Variants in CADPS observed in about 807,000 individuals in gnomAD.
CADPS encodes calcium-dependent secretion activator 1.
CADPS carries 57 observed loss-of-function variants against 167.3 expected under a neutral mutation model. The observed-to-expected ratio is 0.34, with a 90% confidence interval of 0.28 to 0.42. The LOEUF is 0.42. Ranked by LOEUF, CADPS falls within the 20% of genes least tolerant of loss-of-function variation. CADPS has a pLI of 1.00. For missense variants in CADPS, 1,414 were observed against 1,738.1 expected (o/e 0.81, Z 3.32); for synonymous variants, 676 against 635.3 (o/e 1.06, Z -0.96).
At chr3:62,657,828 G>C (rs2072089777) in intron 4 of CADPS, among the ~76,000 whole-genome samples, 1 of 152,124 alleles carries the variant, frequency 6.6e-6, no homozygotes. Context: ...AGAGAGGACA[G>C]ACATGTCTTT....
At chr3:62,434,848 A>G (rs2054658358) in intron 28 of CADPS, among the ~76,000 whole-genome samples, 1 of 152,232 alleles carries the variant, frequency 6.6e-6, no homozygotes, top group Non-Finnish European at 1.5e-5. Flanking sequence ...CAGAAGGGCA[A>G]AAACAGGAAC....
At chr3:62,591,702 A>T (rs1177678442) in intron 7 of CADPS, among the ~76,000 whole-genome samples, 1 of 152,154 alleles carries the variant, frequency 6.6e-6, no homozygotes, top group Non-Finnish European at 1.5e-5. Context: ...TGCAAACAGA[A>T]ATTTCACTAT....
At chr3:62,559,024 C>T (rs1164809992) in intron 9 of CADPS, among the ~76,000 whole-genome samples, 1 of 152,200 alleles carries the variant, frequency 6.6e-6, no homozygotes, top group African/African-American at 2.4e-5. Context: ...CTGTAAGCCT[C>T]AGAGTCTTCA....
At chr3:62,798,627 C>T (rs757928784) in intron 1 of CADPS, among the ~76,000 whole-genome samples, 50 of 152,078 alleles carry the variant, frequency 3.3e-4, no homozygotes, top group Non-Finnish European at 6.3e-4. Context: ...AATACTAATA[C>T]AAACAGGGAG....
intron 21 of CADPS, among the ~76,000 whole-genome samples, chr3:62,484,710 T>C (rs980335604): frequency 9.9e-5 from 15 of 152,144 alleles, no homozygotes; most frequent in African/African-American, 3.4e-4. Flanking sequence ...TGGATAGAAA[T>C]GAGTGGAGGT....
chr3:62,709,857 C>T (rs775640767), intron 3 of CADPS, among the ~76,000 whole-genome samples: 20 of 151,902 alleles, frequency 1.3e-4, no homozygotes, highest in Admixed American at 1.1e-3. Context: ...GCAACCTCCA[C>T]CTCCTGGGTT....
intron 28 of CADPS, among the ~76,000 whole-genome samples, chr3:62,405,103 T>G (rs1175965963): frequency 7.2e-6 from 1 of 138,082 alleles, no homozygotes; most frequent in Non-Finnish European, 1.5e-5. Context: ...GGCCTCAAAT[T>G]CCACATTTAC....
intron 6 of CADPS, among the ~76,000 whole-genome samples, chr3:62,622,359 A>C (rs752306366): frequency 2.6e-5 from 4 of 152,086 alleles, no homozygotes; most frequent in Non-Finnish European, 5.9e-5. Flanking sequence ...CCAACATAGC[A>C]TTGTTACTTG....
chr3:62,787,101 C>G (rs1489994381), intron 1 of CADPS, among the ~76,000 whole-genome samples: 1 of 151,730 alleles, frequency 6.6e-6, no homozygotes, highest in East Asian at 1.9e-4. Context: ...AGAGACTAGT[C>G]TGAGCAATAT....
chr3:62,583,089 G>C (rs964000201), intron 8 of CADPS, among the ~76,000 whole-genome samples: 1 of 151,898 alleles, frequency 6.6e-6, no homozygotes, highest in Non-Finnish European at 1.5e-5. Flanking sequence ...AAGCACTTTA[G>C]AGGACAGATA....
At position 62,753,972 on chromosome 3, in the gene CADPS, T is replaced by C. The variant is rs1310849153; in HGVS notation, c.556-199A>G. Among the ~76,000 whole-genome samples the C allele has an allele frequency of 1.3e-5, 2 of 152,108 alleles. No homozygotes were observed. Among genetic ancestry groups the C allele is most frequent in the Non-Finnish European group, 2.9e-5 (2 of 68,012 alleles). On this transcript the variant is annotated intron_variant, in intron 2 of 29. Coordinates refer to ENST00000383710, the MANE Select transcript of CADPS (RefSeq NM_003716.4). This position sits in a 1 kb window ranked among gnomAD's most constrained non-coding sequence, Gnocchi z 4.6. ...CATTCTGCTTCTGTGTCCACATCTG[T>C]AAGATGAGAATAACAATTGTACTTA...
chr3:62,714,424 T>C (rs1477500219), intron 3 of CADPS, among the ~76,000 whole-genome samples: 1 of 152,214 alleles, frequency 6.6e-6, no homozygotes, highest in African/African-American at 2.4e-5. Context: ...TTGGAACTGC[T>C]GTTTAGCTTT....
intron 13 of CADPS, among the ~76,000 whole-genome samples, chr3:62,521,522 T>C (rs890435219): frequency 1.3e-5 from 2 of 152,182 alleles, no homozygotes; most frequent in Admixed American, 1.3e-4. Flanking sequence ...GTCTTAAAAC[T>C]AGCTCTGCAT....
intron 21 of CADPS, among the ~76,000 whole-genome samples, chr3:62,486,444 C>CAAA (rs1219097343): frequency 7.1e-4 from 45 of 63,694 alleles, no homozygotes; most frequent in East Asian, 1.0e-3. Context: ...GACTCCGTCT[C>CAAA]AAAAAAAAAA....
chr3:62,715,373 CCTAT>C (rs71123290), intron 3 of CADPS, among the ~76,000 whole-genome samples: 12 of 134,604 alleles, frequency 8.9e-5, no homozygotes, highest in African/African-American at 2.9e-4. Context: ...TATCTATCTA[CCTAT>C]CTATCTATCT....
chr3:62,875,082 G>GT lies in CADPS; in HGVS notation c.-54dup. The stretch of plus-strand genomic sequence containing the variant: ...GAGCCCCCGGCTTGGAGTGCAAAAG[G>GT]TGGGGGGCGCTGGAGGCAGCCGGGG... On this transcript the variant is annotated 5_prime_UTR_variant, in exon 1 of 30. Coordinates refer to ENST00000383710, the MANE Select transcript of CADPS (RefSeq NM_003716.4). 3 of 1,522,562 alleles carry GT rather than the reference G, an allele frequency of 2.0e-6. No individual in the cohort carries two copies. The highest frequency in any genetic ancestry group is 2.7e-6 in the Non-Finnish European group (3 of 1,130,332). The allele number at this position is 1,522,562 out of a possible 1,614,324, so 94.3% of individuals were successfully genotyped here.
intron 12 of CADPS, among the ~76,000 whole-genome samples, chr3:62,535,855 C>A (rs1204771234): frequency 6.6e-6 from 1 of 151,692 alleles, no homozygotes; most frequent in Non-Finnish European, 1.5e-5. Flanking sequence ...GATACTCCTG[C>A]TGGATAGATA....
intron 3 of CADPS, among the ~76,000 whole-genome samples, chr3:62,696,631 G>T (rs2080330398): frequency 6.6e-6 from 1 of 152,100 alleles, no homozygotes; most frequent in South Asian, 2.1e-4. Flanking sequence ...CGTCATTGCT[G>T]CCTATATGAT....
chr3:62,469,056 C>T (rs928755557), intron 24 of CADPS, among the ~76,000 whole-genome samples: 1 of 152,176 alleles, frequency 6.6e-6, no homozygotes, highest in African/African-American at 2.4e-5. Context: ...TTTCTCTAAA[C>T]TCACCTAAAA....
Sources: allele counts gnomAD v4.1 joint callset (sites outside exome capture counted in the v4.1 genomes callset), GRCh38; gene constraint gnomAD v4.1.1; non-coding constraint Gnocchi (gnomAD v3.1); transcripts MANE v1.5; gene names NCBI Gene and HGNC (gene_info 2026-07-23, HGNC 2026-07-21).